The following NUMA1 variants were observed in gnomAD, a reference collection of about 807,000 sequenced individuals.
NUMA1 encodes the protein nuclear mitotic apparatus protein 1.
Under a neutral mutation model 237.1 loss-of-function variants are expected in NUMA1, and 62 were observed. The ratio of observed to expected loss-of-function variants is 0.26; its 90% CI spans 0.21 to 0.32. The LOEUF is 0.32. NUMA1 is among the 10% of genes least tolerant of loss of function. The probability of loss-of-function intolerance (pLI) is 1.00; values close to 1 mark genes in which losing one functional copy is unlikely to be tolerated. For missense variants in NUMA1, 2,533 were observed against 2,666.5 expected (o/e 0.95, Z 1.10); for synonymous variants, 1,028 against 1,066.1 (o/e 0.96, Z 0.70).
chr11:72,030,074 C>T (rs1940092998), intron 3 of NUMA1, among the ~76,000 whole-genome samples: 2 of 152,076 alleles, frequency 1.3e-5, no homozygotes, highest in South Asian at 2.1e-4. Context: ...GTGGCTCACA[C>T]CTGTAATCCT....
Position 72,003,083 on chromosome 11 carries a change from G to A in NUMA1, c.*444C>T, listed in dbSNP as rs1955371508. ...CATCCTCTGGCAGGTGCTCCCACCAGGTCAGACCCAGTCCTGGACTTCAAG... is the reference window on the plus strand; with the variant it reads ...CATCCTCTGGCAGGTGCTCCCACCAAGTCAGACCCAGTCCTGGACTTCAAG... On this transcript the variant is annotated 3_prime_UTR_variant, in exon 27 of 27. Transcript: ENST00000393695. The A allele has an allele frequency of 8.0e-6, 2 of 250,866 alleles. No individual in the cohort carries two copies. The highest frequency in any genetic ancestry group is 5.9e-5 in the East Asian group (1 of 17,032). The allele number at this position is 250,866 out of a possible 1,614,324, so 15.5% of individuals were successfully genotyped here.
intron 16 of NUMA1, 127 bp from the exon 17 acceptor site, chr11:72,010,981 T>C: frequency 1.2e-6 from 1 of 820,426 alleles, no homozygotes; most frequent in Non-Finnish European, 2.0e-6. Flanking sequence ...CTCAGGCCCT[T>C]TCTCTGGCCT....
chr11:72,040,329 C>T (rs909633951), intron 2 of NUMA1, among the ~76,000 whole-genome samples: 4 of 151,436 alleles, frequency 2.6e-5, no homozygotes, highest in African/African-American at 9.8e-5. Context: ...CAGATGTCTG[C>T]CCCTTCTCCC....
chr11:72,037,798 TAA>T (rs1941214988), intron 2 of NUMA1, among the ~76,000 whole-genome samples: 1 of 152,170 alleles, frequency 6.6e-6, no homozygotes, highest in African/African-American at 2.4e-5. Context: ...ATGAAATGGT[TAA>T]GAGAGCTCTC....
rs778809298 is a variant in NUMA1 at position 72,004,352 on chromosome 11, G to A, written c.6007-11C>T. On this transcript the variant is annotated splice_polypyrimidine_tract_variant and intron_variant, in intron 24 of 26. Transcript: ENST00000393695. Reference sequence around the variant, plus strand: ...GGTGGCCTTCTTAGACTATGGAGAAGAGGACAGTTAGGCAGACAGTAGCAA... The same window carrying A: ...GGTGGCCTTCTTAGACTATGGAGAAAAGGACAGTTAGGCAGACAGTAGCAA... 3 of 1,608,472 alleles carry A rather than the reference G, an allele frequency of 1.9e-6. No homozygotes were observed. The highest frequency in any genetic ancestry group is 1.7e-5 in the Admixed American group (1 of 58,938).
At chr11:72,053,743 CAGT>C in intron 2 of NUMA1, among the ~76,000 whole-genome samples, 1 of 152,308 alleles carries the variant, frequency 6.6e-6, no homozygotes. Context: ...CAACCAATTA[CAGT>C]AGGCCCTCTG....
rs1450963965 is a variant in NUMA1 at position 72,007,377 on chromosome 11, T to C, written c.5275A>G (p.Ile1759Val). Reference protein sequence around the residue: ...TSVPGEPASPISQRLPPKVES... With the variant: ...TSVPGEPASPVSQRLPPKVES... ...ACCTTGGGGGGCAGGCGCTGGGAGA[T>C]AGGTGAGGCTGGTTCTCCAGGGACG... Residue 1759 changes from isoleucine (I) to valine (V), a missense_variant, in exon 21 of 27, where the codon ATC becomes GTC. Ile to Val is a conservative substitution (Grantham distance 29). Coordinates refer to ENST00000393695, the MANE Select transcript of NUMA1 (RefSeq NM_006185.4). The C allele has an allele frequency of 6.2e-6, 10 of 1,613,540 alleles. No homozygotes were observed. The highest frequency in any genetic ancestry group is 1.7e-5 in the Admixed American group (1 of 59,946).
chr11:72,057,753 C>CA (rs528764241), intron 2 of NUMA1, among the ~76,000 whole-genome samples: 185 of 137,234 alleles, frequency 1.3e-3, no homozygotes, highest in African/African-American at 4.1e-3. Flanking sequence ...CAAAAAAAAA[C>CA]AAAAAAAAAC....
At chr11:72,031,817 AAAAT>A (rs933392962) in intron 3 of NUMA1, among the ~76,000 whole-genome samples, 3 of 151,538 alleles carry the variant, frequency 2.0e-5, no homozygotes, top group Non-Finnish European at 2.9e-5. Context: ...CTGTCTCAAA[AAAAT>A]AAATAAATAA....
At chr11:72,055,443 A>G (rs1282770721) in intron 2 of NUMA1, among the ~76,000 whole-genome samples, 1 of 152,068 alleles carries the variant, frequency 6.6e-6, no homozygotes, top group Non-Finnish European at 1.5e-5. Flanking sequence ...TTTCCAGAAG[A>G]CTCACCTGAG....
chr11:72,053,597 T>C (rs949652721), intron 2 of NUMA1, among the ~76,000 whole-genome samples: 1 of 152,254 alleles, frequency 6.6e-6, no homozygotes. Context: ...GTCAGTTCTA[T>C]AGTTCTGTAA....
chr11:72,073,415 C>T (rs1469491730), intron 1 of NUMA1, among the ~76,000 whole-genome samples: 2 of 152,018 alleles, frequency 1.3e-5, no homozygotes, highest in Non-Finnish European at 2.9e-5. Context: ...AACATCAATG[C>T]AGTCTTAAGC....
chr11:72,027,431 A>G (rs1411935191), intron 4 of NUMA1, among the ~76,000 whole-genome samples: 1 of 152,202 alleles, frequency 6.6e-6, no homozygotes, highest in African/African-American at 2.4e-5. Flanking sequence ...ACAAAAAAAA[A>G]AAGTGAATCA....
intron 2 of NUMA1, among the ~76,000 whole-genome samples, chr11:72,042,869 G>A (rs1417836858): frequency 1.3e-5 from 2 of 152,160 alleles, no homozygotes; most frequent in Non-Finnish European, 2.9e-5. Flanking sequence ...GCTCACACCT[G>A]TAATCCCAGC....
In NUMA1 at chr11:72,012,293, C is replaced by G. The variant is rs1480906172; in HGVS notation, c.4650+108G>C. 2.0e-5 allele frequency: 22 copies of G among 1,075,934 alleles called. 1 individual carries two copies. The South Asian group carries it at 2.8e-4, about 14-fold the overall frequency. The allele number at this position is 1,075,934 out of a possible 1,614,324, so 66.6% of individuals were successfully genotyped here. ...CCATGGCTTGACCCTGCCCCCTTCA[C>G]AAACAGTTCACAACAGGAGCTGGCG... On this transcript the variant is annotated intron_variant, in intron 16 of 26. Coordinates refer to ENST00000393695, the MANE Select transcript of NUMA1 (RefSeq NM_006185.4).
Position 72,004,936 on chromosome 11 carries a change from C to T in NUMA1, c.5830-120G>A, listed in dbSNP as rs911926719. On this transcript the variant is annotated intron_variant, in intron 23 of 26. Transcript: ENST00000393695. ...TATGGTCGGGACCCTTCCTGCCTCA[C>T]GAGGTAGAAAGACACAAGGCCTCCT... is the stretch of plus-strand genomic sequence containing the variant. The T allele has an allele frequency of 6.4e-5, 67 of 1,054,468 alleles. 1 individual carries two copies. In the Admixed American group the frequency reaches 1.7e-3, roughly 27 times the overall value. The allele number at this position is 1,054,468 out of a possible 1,614,324, so 65.3% of individuals were successfully genotyped here.
chr11:72,066,598 T>C (rs544223835), intron 2 of NUMA1: 1 of 152,316 alleles, frequency 6.6e-6, no homozygotes, highest in East Asian at 1.9e-4. Flanking sequence ...CTCCTAAACC[T>C]ACTGAACTCC....
At chr11:72,020,745 C>T (rs1033440356) in intron 8 of NUMA1, 16 of 152,916 alleles carry the variant, frequency 1.0e-4, no homozygotes, top group Admixed American at 4.6e-4. Flanking sequence ...TGGTGGCATG[C>T]GCCTGTAATC....
rs1167760864 is a variant in NUMA1 at position 72,009,055 on chromosome 11, T to C, written c.4970A>G (p.His1657Arg). The C allele has an allele frequency of 2.0e-5, 33 of 1,613,672 alleles. No individual in the cohort carries two copies. The highest frequency in any genetic ancestry group is 5.0e-5 in the Admixed American group (3 of 60,004). ...CTTCAGCCCAGCCTGCTGTAGCTCA[T>C]GGCCCAGCCGTTCAGCTTCAGCTCG... ...ELRAEAERLG[H>R]ELQQAGLKTK... is the part of the protein sequence containing the mutation. The change falls in exon 19 of 27, where the codon CAT (histidine) becomes CGT (arginine). Residue 1657 changes from histidine to arginine, a missense_variant. His to Arg is a conservative substitution (Grantham distance 29). This residue lies in a region of NUMA1 where 795 missense variants were observed against 750.8 expected (regional missense o/e 1.06). Transcript: ENST00000393695.
Sources: allele counts gnomAD v4.1 joint callset (sites outside exome capture counted in the v4.1 genomes callset), GRCh38; gene constraint gnomAD v4.1.1; regional missense constraint gnomAD v4.1.1; transcripts MANE v1.5; gene names NCBI Gene and HGNC (gene_info 2026-07-23, HGNC 2026-07-21).